MYO18B: variants seen among roughly 807,000 people sequenced by gnomAD.
MYO18B encodes myosin XVIIIB.
In MYO18B, 204 loss-of-function variants were observed where a neutral mutation model predicts 273.0. That is an observed-to-expected ratio of 0.75 (90% CI 0.67 to 0.84). The LOEUF (loss-of-function observed/expected upper bound fraction) is 0.84, where lower values mean the gene tolerates loss of function less well. Among genes scored for constraint, MYO18B ranks in the 40% least tolerant of loss-of-function variants. The pLI is 0.00. For synonymous variants in MYO18B, 1,330 were observed against 1,305.7 expected (o/e 1.02, Z -0.40); for missense variants, 3,212 against 3,287.6 (o/e 0.98, Z 0.56).
chr22:25,972,084 C>T (rs1011797299), intron 39 of MYO18B, among the ~76,000 whole-genome samples: 1 of 151,222 alleles, frequency 6.6e-6, no homozygotes, highest in South Asian at 2.1e-4. Context: ...CACTGCATTC[C>T]AGCCTGGGTG....
intron 21 of MYO18B, among the ~76,000 whole-genome samples, chr22:25,855,441 G>C (rs376530531): frequency 6.6e-6 from 1 of 151,890 alleles, no homozygotes; most frequent in South Asian, 2.1e-4. Context: ...CCGCCACCAC[G>C]CCTGGCTAAT....
At chr22:25,828,200 C>T (rs550840707) in intron 14 of MYO18B, among the ~76,000 whole-genome samples, 7 of 152,242 alleles carry the variant, frequency 4.6e-5, no homozygotes, top group East Asian at 1.9e-4. Context: ...GTGGCTAAGA[C>T]GGTGGAGGCT....
chr22:25,776,805 AGG>A (rs1199394397), intron 7 of MYO18B, among the ~76,000 whole-genome samples: 1 of 151,998 alleles, frequency 6.6e-6, no homozygotes, highest in Non-Finnish European at 1.5e-5. Flanking sequence ...GGTTGTGGAG[AGG>A]GGTAATGAGT....
At chr22:25,989,760 T>A (rs1229764864) in intron 39 of MYO18B, among the ~76,000 whole-genome samples, 1 of 102,808 alleles carries the variant, frequency 9.7e-6, no homozygotes, top group African/African-American at 4.0e-5. Flanking sequence ...ATAGTGAGAC[T>A]CCGTCTCAAA....
intron 33 of MYO18B, among the ~76,000 whole-genome samples, chr22:25,915,160 C>T (rs1039075982): frequency 2.0e-5 from 3 of 152,078 alleles, no homozygotes; most frequent in Non-Finnish European, 4.4e-5. Flanking sequence ...TTTTCTTGTT[C>T]CTGACCTTAA....
At chr22:25,784,780 G>A (rs1385540401) in intron 10 of MYO18B, among the ~76,000 whole-genome samples, 1 of 152,354 alleles carries the variant, frequency 6.6e-6, no homozygotes, top group East Asian at 1.9e-4. Flanking sequence ...AAAAGTGGGT[G>A]GCCCATCTGC....
At chr22:25,839,948 C>T (rs1041995081) in intron 17 of MYO18B, among the ~76,000 whole-genome samples, 3 of 152,158 alleles carry the variant, frequency 2.0e-5, no homozygotes, top group South Asian at 4.1e-4. Context: ...GCTGTTTGCA[C>T]GGAGCATTTC....
At chr22:26,019,228 C>A (rs1935615605) in intron 42 of MYO18B, among the ~76,000 whole-genome samples, 1 of 152,172 alleles carries the variant, frequency 6.6e-6, no homozygotes, top group Non-Finnish European at 1.5e-5. Context: ...TCAGCAAGCC[C>A]ATTTGCCTGT....
chr22:25,841,870 G>A (rs931356501), intron 17 of MYO18B, among the ~76,000 whole-genome samples: 3 of 152,224 alleles, frequency 2.0e-5, no homozygotes, highest in African/African-American at 7.2e-5. Context: ...TGTAAATGCA[G>A]CACGGACATT....
intron 33 of MYO18B, among the ~76,000 whole-genome samples, chr22:25,915,158 T>C (rs1050679634): frequency 2.0e-5 from 3 of 152,220 alleles, no homozygotes; most frequent in Non-Finnish European, 4.4e-5. Context: ...CCTTTTCTTG[T>C]TCCTGACCTT....
chr22:25,921,948 A>G (rs79634726), intron 34 of MYO18B, among the ~76,000 whole-genome samples: 152 of 152,266 alleles, frequency 1.0e-3, no homozygotes, highest in Admixed American at 2.7e-3. Flanking sequence ...ACAGTTATAC[A>G]AACGTTGGCA....
intron 39 of MYO18B, among the ~76,000 whole-genome samples, chr22:25,958,062 G>A (rs567652866): frequency 2.6e-5 from 4 of 151,706 alleles, no homozygotes; most frequent in African/African-American, 4.8e-5. Context: ...CTACAGATGC[G>A]CGCCACCATG....
At chr22:25,932,309 A>C (rs2092514269) in intron 34 of MYO18B, among the ~76,000 whole-genome samples, 3 of 152,028 alleles carry the variant, frequency 2.0e-5, no homozygotes, top group Admixed American at 2.0e-4. Context: ...TCCTAATCAA[A>C]ATCACAAAAT....
intron 12 of MYO18B, among the ~76,000 whole-genome samples, chr22:25,821,372 T>C (rs1184188095): frequency 3.3e-5 from 5 of 152,094 alleles, no homozygotes. Context: ...AGTGAGACGA[T>C]ACTTCATTGT....
chr22:25,981,507 T>G (rs1414261601), intron 39 of MYO18B, among the ~76,000 whole-genome samples: 1 of 152,184 alleles, frequency 6.6e-6, no homozygotes, highest in Non-Finnish European at 1.5e-5. Context: ...AGACATTTGG[T>G]GGCAGCAGGA....
intron 39 of MYO18B, among the ~76,000 whole-genome samples, chr22:25,958,381 A>G (rs1039818710): frequency 2.0e-5 from 3 of 152,150 alleles, no homozygotes; most frequent in African/African-American, 7.2e-5. Flanking sequence ...CTTCTGTGGA[A>G]GAACAAAGCT....
chr22:25,972,092 G>GT (rs2093041201), intron 39 of MYO18B, among the ~76,000 whole-genome samples: 2 of 150,894 alleles, frequency 1.3e-5, no homozygotes, highest in Admixed American at 1.3e-4. Context: ...TCCAGCCTGG[G>GT]TGACAGAGTG....
At chr22:25,961,097 C>T (rs2092913553) in intron 39 of MYO18B, among the ~76,000 whole-genome samples, 3 of 152,052 alleles carry the variant, frequency 2.0e-5, no homozygotes, top group Admixed American at 2.0e-4. Context: ...CTGGCATGTA[C>T]CTGTAGACCC....
chr22:25,883,150 T>G lies in MYO18B; in HGVS notation c.4314+5102T>G, dbSNP rs1322614392. Among the ~76,000 whole-genome samples the G allele has an allele frequency of 2.6e-5, 4 of 152,144 alleles. No homozygotes were observed. Among genetic ancestry groups the G allele is most frequent in the African/African-American group, 9.7e-5 (4 of 41,428 alleles). The stretch of plus-strand genomic sequence containing the variant: ...CTGGGCTCAAGCGATCCTCCTGCCT[T>G]GGCCTCCCAGAGTGCTGGCGTGAAC... On this transcript the variant is annotated intron_variant, in intron 25 of 43. Coordinates refer to ENST00000335473, the MANE Select transcript of MYO18B (RefSeq NM_032608.7). The surrounding 1 kb of genome is among the most constrained non-coding windows in gnomAD (Gnocchi z 7.6).
Sources: allele counts gnomAD v4.1 joint callset (sites outside exome capture counted in the v4.1 genomes callset), GRCh38; gene constraint gnomAD v4.1.1; non-coding constraint Gnocchi (gnomAD v3.1); transcripts MANE v1.5; gene names NCBI Gene and HGNC (gene_info 2026-07-23, HGNC 2026-07-21).